Variants in RYR1 observed in about 807,000 individuals in gnomAD.
RYR1 encodes ryanodine receptor 1, also known as central core disease of muscle.
RYR1 carries 342 observed loss-of-function variants against 583.5 expected under a neutral mutation model. That is an observed-to-expected ratio of 0.59 (90% CI 0.54 to 0.64). The LOEUF is 0.64. Among genes scored for constraint, RYR1 ranks in the 30% least tolerant of loss-of-function variants. The pLI is 0.00. For synonymous variants in RYR1, 2,791 were observed against 2,822.5 expected, an observed-to-expected ratio of 0.99 and a Z score of 0.35; for missense variants, 6,032 against 6,917.2, an observed-to-expected ratio of 0.87 and a Z score of 4.54.
At position 38,512,374 on chromosome 19, in the gene RYR1, G is replaced by A. The variant is rs2145663209; in HGVS notation, c.9363G>A (p.Gln3121=). 6.2e-7 allele frequency: 1 copy of A among 1,614,090 alleles called. No individual in the cohort carries two copies. The highest frequency in any genetic ancestry group is 1.7e-5 in the Admixed American group (1 of 60,034). Residue 3121 remains glutamine (Q), a synonymous_variant, in exon 63 of 106, where the codon CAG becomes CAA. Transcript: ENST00000359596. This position sits in a 1 kb window ranked among gnomAD's most constrained non-coding sequence, Gnocchi z 5.1. ...GCAAGGTGTCGCAGGCGCGCACCCA[G>A]GTGAAAGGCGTGGGCCAGAACCTCA... The part of the protein sequence containing the change: ...RLGKVSQART[Q]VKGVGQNLTY...
intron 96 of RYR1, among the ~76,000 whole-genome samples, chr19:38,575,107 A>G (rs1325865255): frequency 6.6e-6 from 1 of 152,146 alleles, no homozygotes; most frequent in Non-Finnish European, 1.5e-5. Flanking sequence ...TCACTTGGAA[A>G]ACTGGTGAAT....
In RYR1 at chr19:38,473,747, C is replaced by T. The variant is rs1968565232; in HGVS notation, c.4136C>T (p.Thr1379Ile). 10 of 1,539,600 alleles carry T rather than the reference C, an allele frequency of 6.5e-6. No individual in the cohort carries two copies. Among genetic ancestry groups the T allele is most frequent in the Non-Finnish European group, 8.8e-6 (10 of 1,142,410 alleles). Residue 1379 changes from threonine (T) to isoleucine (I), a missense_variant, in exon 28 of 106, where the codon ACC becomes ATC. By Grantham distance (89) the Thr-to-Ile change is moderately conservative. Transcript: ENST00000359596. Reference protein sequence around the residue: ...PARAENEKDATTEKNKKRGFL... With the variant: ...PARAENEKDAITEKNKKRGFL... ...AGGGCGGAGAATGAGAAGGATGCCA[C>T]CACCGAGAAGAACAAGAAGAGAGGG...
chr19:38,482,263 G>A (rs372015351), intron 31 of RYR1, among the ~76,000 whole-genome samples: 37 of 152,154 alleles, frequency 2.4e-4, no homozygotes, highest in East Asian at 2.3e-3. Context: ...TTCCTGTGGT[G>A]GCTTTTTAAC....
At chr19:38,553,334 CAAAAAAAA>C (rs566497167) in intron 89 of RYR1, among the ~76,000 whole-genome samples, 1 of 80,952 alleles carries the variant, frequency 1.2e-5, no homozygotes, top group African/African-American at 4.8e-5. Flanking sequence ...GACTCCATAT[CAAAAAAAA>C]AAAAAAAAAA....
At chr19:38,454,785 A>G (rs1256962889) in intron 13 of RYR1, among the ~76,000 whole-genome samples, 5 of 86,290 alleles carry the variant, frequency 5.8e-5, no homozygotes, top group Non-Finnish European at 1.3e-4. Context: ...AAATATTAAA[A>G]TGTAAAAAAA....
intron 91 of RYR1, among the ~76,000 whole-genome samples, chr19:38,566,392 T>C (rs1973429749): frequency 7.9e-6 from 1 of 126,542 alleles, no homozygotes; most frequent in Non-Finnish European, 1.5e-5. Flanking sequence ...GAGGTTGCAG[T>C]GAGCCAAGAT....
intron 24 of RYR1, among the ~76,000 whole-genome samples, chr19:38,467,241 C>T (rs186330980): frequency 1.3e-5 from 2 of 152,250 alleles, no homozygotes; most frequent in African/African-American, 4.8e-5. Flanking sequence ...CTTCCATAAT[C>T]CTGGCTCTGA....
At chr19:38,461,357 C>T (rs1470092300) in intron 20 of RYR1, among the ~76,000 whole-genome samples, 1 of 152,040 alleles carries the variant, frequency 6.6e-6, no homozygotes, top group East Asian at 1.9e-4. Context: ...CTGGGAACCT[C>T]GTTGTTTAAC....
At chr19:38,495,331 C>T (rs1368439525) in intron 39 of RYR1, among the ~76,000 whole-genome samples, 1 of 152,074 alleles carries the variant, frequency 6.6e-6, no homozygotes, top group Non-Finnish European at 1.5e-5. Context: ...TTATTAAGCA[C>T]CTACTTCGTG....
intron 91 of RYR1, among the ~76,000 whole-genome samples, chr19:38,566,341 CG>C (rs1228507543): frequency 6.8e-6 from 1 of 146,188 alleles, no homozygotes; most frequent in Admixed American, 7.0e-5. Flanking sequence ...CCCAGCTACT[CG>C]GGAGGCTGAG....
At chr19:38,570,470 A>T (rs1378785497) in intron 93 of RYR1, 137 bp from the exon 94 acceptor site, 1 of 424,016 alleles carries the variant, frequency 2.4e-6, no homozygotes, top group African/African-American at 2.1e-5. Context: ...TAATAATAAT[A>T]ATTAATAAAT....
chr19:38,516,198 G>A lies in RYR1; in HGVS notation c.9666G>A (p.Lys3222=). 6.3e-7 allele frequency: 1 copy of A among 1,580,956 alleles called. No homozygotes were observed. ...ACGCCTGCTCCGTGTACACCACCAAGTCTCCGCGGGAGCGGGCCAGTAAGC... is the reference window on the plus strand; with the variant it reads ...ACGCCTGCTCCGTGTACACCACCAAATCTCCGCGGGAGCGGGCCAGTAAGC... The part of the protein sequence containing the change: ...EYNACSVYTT[K]SPRERAILGL... Residue 3222 remains lysine, a synonymous_variant, in exon 65 of 106, where the codon AAG becomes AAA. Coordinates refer to ENST00000359596, the MANE Select transcript of RYR1 (RefSeq NM_000540.3).
At chr19:38,475,223 G>A (rs1422056744) in intron 28 of RYR1, 95 bp from the exon 29 acceptor site, 11 of 1,504,542 alleles carry the variant, frequency 7.3e-6, no homozygotes, top group Non-Finnish European at 9.9e-6. Context: ...ATTAGAAGCA[G>A]GGTGTATCCA....
At chr19:38,437,315 T>C (rs1394213787) in intron 1 of RYR1, among the ~76,000 whole-genome samples, 3 of 152,100 alleles carry the variant, frequency 2.0e-5, no homozygotes, top group Non-Finnish European at 4.4e-5. Context: ...CCTCCCAAAG[T>C]GCTGGGATTA....
chr19:38,587,088 G>A (rs1974526449), intron 105 of RYR1, among the ~76,000 whole-genome samples: 2 of 152,178 alleles, frequency 1.3e-5, no homozygotes, highest in Middle Eastern at 3.4e-3. Flanking sequence ...GGAACACAGC[G>A]AGACCCTTTC....
intron 89 of RYR1, among the ~76,000 whole-genome samples, chr19:38,549,917 G>A (rs1972594838): frequency 7.1e-6 from 1 of 140,724 alleles, no homozygotes; most frequent in Non-Finnish European, 1.5e-5. Flanking sequence ...GTGTGTGTGT[G>A]TGTGTGTGTT....
At chr19:38,506,719 G>C in intron 56 of RYR1, 110 bp from the exon 57 acceptor site, 3 of 1,531,126 alleles carry the variant, frequency 2.0e-6, no homozygotes, top group Admixed American at 3.8e-5. Flanking sequence ...TCCGTTATTC[G>C]TATCTTCTTT....
At chr19:38,564,819 C>G in intron 90 of RYR1, 140 bp from the exon 91 acceptor site, 1 of 1,441,468 alleles carries the variant, frequency 6.9e-7, no homozygotes, top group Non-Finnish European at 9.3e-7. Context: ...CCAGCCTGAC[C>G]CTGTCTCAAA....
chr19:38,548,296 A>C lies in RYR1; in HGVS notation c.12158A>C (p.Asn4053Thr), dbSNP rs547269468. The change falls in exon 89 of 106, where the codon AAT (asparagine) becomes ACT (threonine). Residue 4053 changes from asparagine (N) to threonine (T), a missense_variant. Physicochemically the swap from Asn to Thr is moderately conservative, Grantham distance 65 (BLOSUM62 0). This residue lies in a region of RYR1 where 753 missense variants were observed against 759.6 expected (regional missense o/e 0.99). Coordinates refer to ENST00000359596, the MANE Select transcript of RYR1 (RefSeq NM_000540.3). The part of the protein sequence containing the change: ...MVDMLVESSS[N>T]VEMILKFFDM... ...GACATGCTCGTGGAATCCTCATCCA[A>C]TGTGGAGATGATCCTCAAGTTCTTC... 1 of 1,614,184 alleles carries C rather than the reference A, an allele frequency of 6.2e-7. No individual in the cohort carries two copies. The highest frequency in any genetic ancestry group is 8.5e-7 in the Non-Finnish European group (1 of 1,180,026).
Sources: gnomAD v4.1 joint callset for allele counts (sites outside exome capture counted in the v4.1 genomes callset) on GRCh38, gnomAD v4.1.1 for gene constraint, gnomAD v4.1.1 regional missense constraint, Gnocchi (gnomAD v3.1) non-coding constraint, MANE v1.5 for transcripts, NCBI Gene and HGNC (gene_info 2026-07-23, HGNC 2026-07-21) for gene names.